Variants in CLCA1 observed in about 807,000 individuals in gnomAD.
CLCA1 encodes chloride channel accessory 1.
A neutral mutation model predicts 85.6 loss-of-function variants in CLCA1; 59 were observed. The ratio of observed to expected loss-of-function variants is 0.69; its 90% CI spans 0.56 to 0.86. The LOEUF is 0.86. CLCA1 is among the 40% of genes least tolerant of loss of function. The pLI is 0.00. For missense variants in CLCA1, 1,022 were observed against 1,101.4 expected (o/e 0.93, Z 1.02); for synonymous variants, 396 against 398.3 (o/e 0.99, Z 0.07).
intron 1 of CLCA1, among the ~76,000 whole-genome samples, chr1:86,472,253 G>A (rs1647523277): frequency 6.6e-6 from 1 of 151,932 alleles, no homozygotes; most frequent in Admixed American, 6.6e-5. Context: ...CACTACTAGG[G>A]CTCACCATGC....
chr1:86,493,647 A>T, intron 10 of CLCA1, 48 bp downstream of exon 10: 1 of 1,406,166 alleles, frequency 7.1e-7, no homozygotes, highest in Non-Finnish European at 1.0e-6. Flanking sequence ...AAGATAAAAT[A>T]AAGTTTTTAC....
At chr1:86,492,036 T>C (rs1347468255) in intron 9 of CLCA1, among the ~76,000 whole-genome samples, 1 of 149,118 alleles carries the variant, frequency 6.7e-6, no homozygotes. Flanking sequence ...AAAAGAAAAA[T>C]GTATTTTTTC....
At chr1:86,486,979 G>A (rs1647999648) in intron 7 of CLCA1, among the ~76,000 whole-genome samples, 1 of 152,152 alleles carries the variant, frequency 6.6e-6, no homozygotes, top group Admixed American at 6.5e-5. Flanking sequence ...TCTTAGGCAG[G>A]TTTGCCCTAA....
intron 12 of CLCA1, 105 bp downstream of exon 12, chr1:86,495,780 C>T (rs1648267974): frequency 9.1e-7 from 1 of 1,094,160 alleles, no homozygotes. Flanking sequence ...ATCAGGGTTT[C>T]TCAACCTTGG....
At chr1:86,488,892 T>C in intron 7 of CLCA1, 104 bp from the exon 8 acceptor site, 1 of 912,680 alleles carries the variant, frequency 1.1e-6, no homozygotes, top group Non-Finnish European at 1.7e-6. Flanking sequence ...ACAATTTTGG[T>C]TATTCCCTCT....
rs746147234 is a variant in CLCA1 at position 86,482,333 on chromosome 1, C to T, written c.686C>T (p.Ser229Phe). The T allele has an allele frequency of 6.2e-7, 1 of 1,614,114 alleles. No individual in the cohort carries two copies. Among genetic ancestry groups the T allele is most frequent in the Non-Finnish European group, 8.5e-7 (1 of 1,179,982 alleles). The change falls in exon 5 of 14, where the codon TCC becomes TTC. Residue 229 changes from serine to phenylalanine, a missense_variant. Transcript: ENST00000394711. ...AAAGGATGTGAGTTTGTTCTCCAATCCCGCCAGACGGAGAAGGCTTCTATA... is the reference window on the plus strand; with the variant it reads ...AAAGGATGTGAGTTTGTTCTCCAATTCCGCCAGACGGAGAAGGCTTCTATA... ...YEKGCEFVLQ[S>F]RQTEKASIMF...
intron 3 of CLCA1, among the ~76,000 whole-genome samples, chr1:86,474,451 G>A (rs1558133373): frequency 6.6e-6 from 1 of 152,024 alleles, no homozygotes; most frequent in Non-Finnish European, 1.5e-5. Context: ...CTATTTGGGA[G>A]GCTGAGGCAG....
intron 4 of CLCA1, among the ~76,000 whole-genome samples, chr1:86,478,019 C>T (rs1259860374): frequency 2.6e-5 from 4 of 152,184 alleles, no homozygotes; most frequent in Admixed American, 6.5e-5. Context: ...TTCCATTTCT[C>T]GCACAGGACC....
intron 7 of CLCA1, among the ~76,000 whole-genome samples, chr1:86,487,003 G>A (rs908943531): frequency 6.6e-6 from 1 of 152,126 alleles, no homozygotes; most frequent in Non-Finnish European, 1.5e-5. Flanking sequence ...TGCTATTTGG[G>A]CACATCACAC....
intron 9 of CLCA1, among the ~76,000 whole-genome samples, chr1:86,492,091 TA>T (rs1279809105): frequency 1.3e-5 from 2 of 152,274 alleles, no homozygotes; most frequent in Non-Finnish European, 2.9e-5. Context: ...CATTAATTTT[TA>T]AACTAGAGAG....
intron 4 of CLCA1, among the ~76,000 whole-genome samples, 162 bp from the exon 5 acceptor site, chr1:86,482,043 G>A (rs973187913): frequency 6.6e-6 from 1 of 152,198 alleles, no homozygotes; most frequent in Non-Finnish European, 1.5e-5. Flanking sequence ...AAACAGAAAT[G>A]ACTCTGATGA....
rs139300046 is a variant in CLCA1 at position 86,486,739 on chromosome 1, C to T, written c.1168C>T (p.Arg390Ter). 2.5e-6 allele frequency: 4 copies of T among 1,613,952 alleles called. No homozygotes were observed. The highest frequency in any genetic ancestry group is 1.3e-5 in the African/African-American group (1 of 74,918). ...SGGTSICSGL[R>*]SAFTVIRKKY... is the part of the protein sequence containing the mutation. ...AGGGACGTCCATCTGCAGCGGGCTT[C>T]GATCGGCATTTACTGTGAGATGTGT... is the stretch of plus-strand genomic sequence containing the variant. The change falls in exon 7 of 14, where the codon CGA (arginine) becomes TGA (stop). Residue 390 changes from arginine (R) to a stop codon, truncating the protein, a stop_gained. Transcript: ENST00000394711. LOFTEE classifies it high-confidence loss of function.
chr1:86,493,403 C>T lies in CLCA1; in HGVS notation c.1484C>T (p.Thr495Ile). 1 of 1,613,806 alleles carries T rather than the reference C, an allele frequency of 6.2e-7. No individual in the cohort carries two copies. Among genetic ancestry groups the T allele is most frequent in the Non-Finnish European group, 8.5e-7 (1 of 1,179,824 alleles). The part of the protein sequence containing the change: ...RSIQLESKGL[T>I]LQNSQWMNGT... ...TAACAGCTTGAGAGTAAGGGATTAA[C>T]CCTCCAGAACAGCCAGTGGATGAAT... The change falls in exon 10 of 14, where the codon ACC becomes ATC. Residue 495 changes from threonine to isoleucine, a missense_variant. Thr to Ile is a moderately conservative substitution (Grantham distance 89, BLOSUM62 -1). Transcript: ENST00000394711.
chr1:86,499,724 A>G lies in CLCA1; in HGVS notation c.2424A>G (p.Gln808=). 1 of 1,605,666 alleles carries G rather than the reference A, an allele frequency of 6.2e-7. No individual in the cohort carries two copies. The highest frequency in any genetic ancestry group is 8.5e-7 in the Non-Finnish European group (1 of 1,172,426). ...DLRDKFNESL[Q]VNTTALIPKE... is the part of the protein sequence containing the mutation. ...GAGACAAGTTCAATGAATCTCTTCA[A>G]GTGAATACTACTGCTCTCATCCCAA... The change falls in exon 14 of 14, where the codon CAA becomes CAG. Residue 808 remains glutamine (Q), a synonymous_variant. Transcript: ENST00000394711.
chr1:86,492,308 T>C (rs1235370241), intron 9 of CLCA1, among the ~76,000 whole-genome samples: 3 of 152,204 alleles, frequency 2.0e-5, no homozygotes, highest in Non-Finnish European at 2.9e-5. Flanking sequence ...ATTTAGAAAA[T>C]TAAATGCAAG....
chr1:86,480,257 AAAG>A (rs1647782239), intron 4 of CLCA1, among the ~76,000 whole-genome samples: 3 of 152,184 alleles, frequency 2.0e-5, no homozygotes, highest in African/African-American at 4.8e-5. Flanking sequence ...AAAAACAGAA[AAAG>A]ATATTTGCAA....
At chr1:86,485,255 C>T (rs1344840709) in intron 5 of CLCA1, 88 bp from the exon 6 acceptor site, 1 of 963,350 alleles carries the variant, frequency 1.0e-6, no homozygotes, top group East Asian at 2.6e-5. Flanking sequence ...CAAGGTTATG[C>T]ATTAGCAGAG....
intron 5 of CLCA1, among the ~76,000 whole-genome samples, chr1:86,482,972 G>A (rs1445234008): frequency 1.3e-5 from 2 of 152,030 alleles, no homozygotes; most frequent in African/African-American, 2.4e-5. Flanking sequence ...GAAATTTTGC[G>A]CAAAATGAGA....
At chr1:86,471,687 T>C (rs1393415623) in intron 1 of CLCA1, among the ~76,000 whole-genome samples, 1 of 152,204 alleles carries the variant, frequency 6.6e-6, no homozygotes, top group Admixed American at 6.5e-5. Context: ...TGACATAATA[T>C]TAAACTCTCC....
Sources: gnomAD v4.1 joint callset for allele counts (sites outside exome capture counted in the v4.1 genomes callset) on GRCh38, gnomAD v4.1.1 for gene constraint, MANE v1.5 for transcripts, NCBI Gene and HGNC (gene_info 2026-07-23, HGNC 2026-07-21) for gene names.